Variants in TMPRSS9 observed in about 807,000 individuals in gnomAD.
The protein encoded by TMPRSS9 is transmembrane protease serine 9.
A neutral mutation model predicts 111.4 loss-of-function variants in TMPRSS9; 113 were observed. The observed-to-expected ratio is 1.01, with a 90% CI of 0.87 to 1.19. The LOEUF (loss-of-function observed/expected upper bound fraction) is 1.19. Among genes scored for constraint, TMPRSS9 ranks in the 50% most tolerant of loss-of-function variants. TMPRSS9 has a pLI of 0.00. For synonymous variants in TMPRSS9, 805 were observed against 659.1 expected (o/e 1.22, Z -3.39); for missense variants, 1,803 against 1,513.1 (o/e 1.19, Z -3.18).
chr19:2,409,120 C>T (rs1479151744), intron 8 of TMPRSS9, among the ~76,000 whole-genome samples: 1 of 149,930 alleles, frequency 6.7e-6, no homozygotes, highest in Non-Finnish European at 1.5e-5. Flanking sequence ...ATTTATAACC[C>T]ATCATCGATG....
At chr19:2,413,509 TTTTG>T (rs1292478371) in intron 9 of TMPRSS9, among the ~76,000 whole-genome samples, 187 bp from the exon 11 acceptor site, 8 of 151,968 alleles carry the variant, frequency 5.3e-5, no homozygotes, top group African/African-American at 1.7e-4. Context: ...CTGTCTTGGG[TTTTG>T]TTTTTTTTCC....
At chr19:2,423,966 G>A in intron 14 of TMPRSS9, 123 bp from the exon 16 acceptor site, 2 of 1,052,914 alleles carry the variant, frequency 1.9e-6, no homozygotes, top group Non-Finnish European at 2.4e-6. Context: ...CCTGGGATAG[G>A]TCCCCCATCA....
intron 1 of TMPRSS9, among the ~76,000 whole-genome samples, chr19:2,396,012 A>T (rs1244468483): frequency 6.6e-6 from 1 of 152,224 alleles, no homozygotes; most frequent in Non-Finnish European, 1.5e-5. Context: ...TGTCTCAAAC[A>T]AACAAACACA....
intron 1 of TMPRSS9, among the ~76,000 whole-genome samples, chr19:2,380,082 C>T (rs1970374817): frequency 6.6e-6 from 1 of 151,984 alleles, no homozygotes; most frequent in Non-Finnish European, 1.5e-5. Flanking sequence ...TTAATAGCCA[C>T]ATGGGGCCAG....
chr19:2,404,511 C>G (rs1300638351), intron 6 of TMPRSS9, among the ~76,000 whole-genome samples: 1 of 151,284 alleles, frequency 6.6e-6, no homozygotes, highest in Non-Finnish European at 1.5e-5. Flanking sequence ...CCACTGTACT[C>G]CAGCCTGAGC....
upstream of TMPRSS9, among the ~76,000 whole-genome samples, chr19:2,389,231 G>A (rs1364619669): frequency 5.5e-5 from 8 of 146,736 alleles, no homozygotes; most frequent in East Asian, 2.0e-4. Flanking sequence ...CCACCACCAC[G>A]CCTGACTAAT....
At chr19:2,376,202 C>G (rs974422432) in intron 1 of TMPRSS9, among the ~76,000 whole-genome samples, 2 of 152,150 alleles carry the variant, frequency 1.3e-5, no homozygotes, top group Non-Finnish European at 2.9e-5. Context: ...CCCTTCCTCT[C>G]CCTTCACAGC....
chr19:2,403,351 G>A (rs1788444606), intron 6 of TMPRSS9, among the ~76,000 whole-genome samples, 156 bp downstream of exon 7: 1 of 152,140 alleles, frequency 6.6e-6, no homozygotes, highest in Admixed American at 6.6e-5. Context: ...CCCATGGTAT[G>A]GGGAGAAACA....
chr19:2,423,060 TAAA>T (rs558254831), intron 14 of TMPRSS9, among the ~76,000 whole-genome samples: 1 of 132,834 alleles, frequency 7.5e-6, no homozygotes. Context: ...CTAAAAAAAT[TAAA>T]AAAAAAAAAA....
upstream of TMPRSS9, among the ~76,000 whole-genome samples, chr19:2,386,550 G>A (rs949668603): frequency 3.3e-5 from 5 of 151,860 alleles, no homozygotes; most frequent in African/African-American, 1.2e-4. Context: ...ACAGGCGTGA[G>A]CCACTGCACC....
intron 3 of TMPRSS9, 61 bp downstream of exon 4, chr19:2,398,923 A>T: frequency 6.5e-7 from 1 of 1,527,950 alleles, no homozygotes. Context: ...TTTCTGGAGG[A>T]GTCCAGAAAA....
At chr19:2,413,831 T>G in exon 10 of TMPRSS9, 1 of 1,613,710 alleles carries the variant, frequency 6.2e-7, no homozygotes, top group Non-Finnish European at 8.5e-7. Flanking sequence ...CCAGGCTACG[T>G]GACTGGATCC....
chr19:2,406,460 G>A (rs930536416), intron 7 of TMPRSS9, among the ~76,000 whole-genome samples: 3 of 151,692 alleles, frequency 2.0e-5, no homozygotes, highest in Non-Finnish European at 4.4e-5. Context: ...CCAAGTAGCT[G>A]GGACTACAGG....
chr19:2,409,493 G>A (rs1040442577), intron 8 of TMPRSS9, among the ~76,000 whole-genome samples: 2 of 152,026 alleles, frequency 1.3e-5, no homozygotes, highest in Admixed American at 6.6e-5. Flanking sequence ...GTCACCTGTG[G>A]CCAGTGGCTA....
upstream of TMPRSS9, among the ~76,000 whole-genome samples, chr19:2,385,159 A>AGCTCGCGGGG (rs1568172919): frequency 3.4e-5 from 1 of 29,508 alleles, no homozygotes; most frequent in African/African-American, 9.0e-5. Flanking sequence ...GAGCTCGCGG[A>AGCTCGCGGGG]GGGCGGGGCT....
At position 2,425,413 on chromosome 19, in the gene TMPRSS9, T is replaced by C. The variant is rs778658722; in HGVS notation, c.3040T>C (p.Cys1014Arg). ...CGTGCGCCTCCTCAGCGAGCAGACC[T>C]GCCGCCGCTTCTACCCAGTGCAGAT... is the stretch of plus-strand genomic sequence containing the variant. Residue 1014 changes from cysteine (C) to arginine (R), a missense_variant, in exon 17 of 18, where the codon TGC becomes CGC. Cys to Arg is a radical substitution (Grantham distance 180, BLOSUM62 -3). Transcript: ENST00000648592. 32 of 1,577,054 alleles carry C rather than the reference T, an allele frequency of 2.0e-5. No homozygotes were observed. The East Asian group carries it at 2.1e-4, about 10-fold the overall frequency.
chr19:2,373,233 A>G (rs1275706944), intron 1 of TMPRSS9, among the ~76,000 whole-genome samples: 1 of 151,952 alleles, frequency 6.6e-6, no homozygotes, highest in Admixed American at 6.6e-5. Context: ...TTATTTTTAT[A>G]TATTTATTGA....
Position 2,396,535 on chromosome 19 carries a change from C to A in TMPRSS9, c.143-4C>A. 1.9e-6 allele frequency: 3 copies of A among 1,599,190 alleles called. No homozygotes were observed. Among genetic ancestry groups the A allele is most frequent in the East Asian group, 2.3e-5 (1 of 44,190 alleles). On this transcript the variant is annotated splice_region_variant and splice_polypyrimidine_tract_variant and intron_variant, in intron 1 of 17. Transcript: ENST00000648592. ...TCTCTCACGGGCCCTGGTCTCGTCC[C>A]CAGCCTTCCTCTCTACACAGGGCTT...
intron 4 of TMPRSS9, 50 bp downstream of exon 5, chr19:2,399,243 G>T (rs985002454): frequency 1.9e-5 from 29 of 1,523,460 alleles, no homozygotes; most frequent in Non-Finnish European, 2.5e-5. Flanking sequence ...GCTGGAGTGG[G>T]GCAGGAGCTG....
Sources: gnomAD v4.1 joint callset for allele counts (sites outside exome capture counted in the v4.1 genomes callset) on GRCh38, gnomAD v4.1.1 for gene constraint, MANE v1.5 for transcripts, NCBI Gene and HGNC (gene_info 2026-07-23, HGNC 2026-07-21) for gene names.